Variants in TLK2 observed in about 807,000 individuals in gnomAD.
The protein encoded by TLK2 is tousled like kinase 2.
In TLK2, 6 loss-of-function variants were observed where a neutral mutation model predicts 117.3. The ratio of observed to expected loss-of-function variants is 0.05; its 90% CI spans 0.03 to 0.10. TLK2 has a LOEUF of 0.10. Ranked by LOEUF, TLK2 falls within the 10% of genes least tolerant of loss-of-function variation. The pLI, the probability that TLK2 is intolerant of heterozygous loss-of-function variation, is 1.00. For synonymous variants in TLK2, 257 were observed against 316.7 expected, an observed-to-expected ratio of 0.81 and a Z score of 2.00; for missense variants, 299 against 901.2, an observed-to-expected ratio of 0.33 and a Z score of 8.56.
chr17:62,580,084 G>GGTGTTACAT (rs750323397), intron 14 of TLK2, 27 bp from the exon 15 acceptor site: 2 of 1,594,522 alleles, frequency 1.3e-6, no homozygotes, highest in African/African-American at 2.7e-5. Context: ...ATGATCTCAG[G>GGTGTTACAT]GTGTTACATG....
Position 62,495,675 on chromosome 17 carries a change from T to TATA in TLK2, c.81+14469_81+14470insATA, listed in dbSNP as rs1347082856. Among the ~76,000 whole-genome samples the TATA allele has an allele frequency of 1.1e-3, 99 of 89,688 alleles. No individual in the cohort carries two copies. In the East Asian group the frequency reaches 0.025, roughly 22 times the overall value. The allele number at this position is 89,688 out of a possible 152,430, so 58.8% of individuals were successfully genotyped here. On this transcript the variant is annotated intron_variant, in intron 2 of 21. Transcript: ENST00000346027. ...AAATTATATATATATATATATATAT[T>TATA]GGAGACGGAGTCTTACTCTGTCACC... is the stretch of plus-strand genomic sequence containing the variant.
At chr17:62,540,099 C>CTT (rs571889873) in intron 7 of TLK2, among the ~76,000 whole-genome samples, 7 of 125,084 alleles carry the variant, frequency 5.6e-5, no homozygotes, top group Admixed American at 1.6e-4. Flanking sequence ...TCTTTCTTTT[C>CTT]TTTTTTTTTT....
upstream of TLK2, among the ~76,000 whole-genome samples, chr17:62,474,056 C>T (rs1327538699): frequency 6.6e-6 from 1 of 152,024 alleles, no homozygotes; most frequent in Non-Finnish European, 1.5e-5. Flanking sequence ...GCAACATGCG[C>T]ATCTAACTTT....
chr17:62,536,349 G>T lies in TLK2; in HGVS notation c.531+12G>T, dbSNP rs1466268021. On this transcript the variant is annotated intron_variant, in intron 7 of 21. Coordinates refer to ENST00000346027, the MANE Select transcript of TLK2 (RefSeq NM_006852.6). ...TCACTTTTGTTTCAGTGAGTACAAA[G>T]CCTAAGTTAATTCATATCCTTTCCA... 2.5e-6 allele frequency: 4 copies of T among 1,606,624 alleles called. No individual in the cohort carries two copies. Among genetic ancestry groups the T allele is most frequent in the Non-Finnish European group, 3.4e-6 (4 of 1,175,956 alleles).
chr17:62,523,728 G>A (rs556429020), intron 5 of TLK2, among the ~76,000 whole-genome samples: 32 of 152,240 alleles, frequency 2.1e-4, no homozygotes, highest in Admixed American at 2.0e-3. Flanking sequence ...TGTCTTGTCT[G>A]TGATGATATA....
intron 16 of TLK2, among the ~76,000 whole-genome samples, chr17:62,595,347 G>A (rs1422558006): frequency 6.9e-6 from 1 of 145,134 alleles, no homozygotes; most frequent in Non-Finnish European, 1.5e-5. Flanking sequence ...AGGGCCTGCT[G>A]TATAGTAAAT....
intron 10 of TLK2, among the ~76,000 whole-genome samples, chr17:62,561,067 A>G (rs905854879): frequency 3.3e-4 from 50 of 152,100 alleles, no homozygotes; most frequent in African/African-American, 1.2e-3. Context: ...TATGAGTGAG[A>G]ACATGCAGTG....
intron 10 of TLK2, among the ~76,000 whole-genome samples, chr17:62,564,743 CA>C (rs1233929465): frequency 1.3e-5 from 2 of 151,110 alleles, no homozygotes; most frequent in Non-Finnish European, 3.0e-5. Context: ...ACCAAACAAA[CA>C]AAAAACCCCA....
intron 2 of TLK2, among the ~76,000 whole-genome samples, chr17:62,483,898 G>A (rs773943216): frequency 1.3e-5 from 2 of 151,414 alleles, no homozygotes; most frequent in African/African-American, 4.8e-5. Flanking sequence ...CAATCTCGGC[G>A]CACTGCAATC....
intron 17 of TLK2, among the ~76,000 whole-genome samples, chr17:62,599,339 A>C (rs2082708525): frequency 6.6e-6 from 1 of 152,260 alleles, no homozygotes; most frequent in Non-Finnish European, 1.5e-5. Context: ...GTTCAATTGC[A>C]GTGCTTTATG....
intron 20 of TLK2, among the ~76,000 whole-genome samples, 191 bp from the exon 21 acceptor site, chr17:62,607,850 G>A (rs2083429695): frequency 1.3e-5 from 2 of 152,184 alleles, no homozygotes; most frequent in African/African-American, 4.8e-5. Context: ...CTGTGAGCAA[G>A]TTACATATGC....
chr17:62,512,678 CT>C (rs1192766200), intron 2 of TLK2, among the ~76,000 whole-genome samples: 1 of 151,936 alleles, frequency 6.6e-6, no homozygotes, highest in East Asian at 1.9e-4. Flanking sequence ...TTACTCTGTA[CT>C]TTTGATGAGC....
At chr17:62,485,970 G>T (rs1463192923) in intron 2 of TLK2, among the ~76,000 whole-genome samples, 1 of 151,330 alleles carries the variant, frequency 6.6e-6, no homozygotes, top group African/African-American at 2.4e-5. Context: ...GCAGGTGCCT[G>T]CCACCACGCA....
Position 62,613,128 on chromosome 17 carries a change from T to C in TLK2, c.*563T>C, listed in dbSNP as rs537971022. Reference sequence around the variant, plus strand: ...GTTAGTGTTTTATCCCTAAATAATTTCAATTTTTAAAAACATGCAGCTTCC... The same window carrying C: ...GTTAGTGTTTTATCCCTAAATAATTCCAATTTTTAAAAACATGCAGCTTCC... On this transcript the variant is annotated 3_prime_UTR_variant, in exon 22 of 22. Coordinates refer to ENST00000346027, the MANE Select transcript of TLK2 (RefSeq NM_006852.6). 6 of 152,790 alleles carry C rather than the reference T, an allele frequency of 3.9e-5. No homozygotes were observed. In the South Asian group the frequency reaches 1.2e-3, roughly 32 times the overall value. The allele number at this position is 152,790 out of a possible 1,614,324, so 9.5% of individuals were successfully genotyped here.
At chr17:62,473,184 A>C (rs976109675) in intron 1 of TLK2, among the ~76,000 whole-genome samples, 1 of 152,148 alleles carries the variant, frequency 6.6e-6, no homozygotes, top group Non-Finnish European at 1.5e-5. Flanking sequence ...AGCTCCACAG[A>C]GAAAACTGCT....
At chr17:62,597,824 T>A (rs2082590016) in intron 17 of TLK2, among the ~76,000 whole-genome samples, 1 of 152,250 alleles carries the variant, frequency 6.6e-6, no homozygotes, top group South Asian at 2.1e-4. Flanking sequence ...CCCGTGCCTC[T>A]GGGTTTATCC....
At chr17:62,571,692 C>G (rs1359577119) in intron 11 of TLK2, among the ~76,000 whole-genome samples, 1 of 152,126 alleles carries the variant, frequency 6.6e-6, no homozygotes, top group Non-Finnish European at 1.5e-5. Context: ...GTTAATTTTG[C>G]ATACAGCATT....
intron 7 of TLK2, among the ~76,000 whole-genome samples, chr17:62,537,796 G>C (rs927516114): frequency 7.9e-5 from 12 of 152,056 alleles, no homozygotes; most frequent in African/African-American, 2.9e-4. Context: ...TCAAAGGAAT[G>C]GGGAAACTTC....
At chr17:62,491,830 C>T (rs2073140791) in intron 2 of TLK2, among the ~76,000 whole-genome samples, 1 of 152,176 alleles carries the variant, frequency 6.6e-6, no homozygotes, top group Admixed American at 6.5e-5. Flanking sequence ...ATGATCCACC[C>T]GTCTTGGCCT....
Sources: allele counts gnomAD v4.1 joint callset (sites outside exome capture counted in the v4.1 genomes callset), GRCh38; gene constraint gnomAD v4.1.1; transcripts MANE v1.5; gene names NCBI Gene and HGNC (gene_info 2026-07-23, HGNC 2026-07-21).